SGCD: variants seen among roughly 807,000 people sequenced by gnomAD.
SGCD encodes the protein delta-sarcoglycan.
In SGCD, 18 loss-of-function variants were observed where a neutral mutation model predicts 36.6. That is an observed-to-expected ratio of 0.49 (90% CI 0.34 to 0.73). The LOEUF is 0.73. SGCD is among the 30% of genes least tolerant of loss of function. SGCD has a pLI of 0.01. For missense variants in SGCD, 387 were observed against 346.7 expected (o/e 1.12, Z -0.92); for synonymous variants, 133 against 130.6 (o/e 1.02, Z -0.12).
At chr5:156,212,549 T>G (rs1401086445) in intron 3 of SGCD, among the ~76,000 whole-genome samples, 1 of 152,112 alleles carries the variant, frequency 6.6e-6, no homozygotes, top group Non-Finnish European at 1.5e-5. Context: ...ACAACAACAG[T>G]AGAGGACTTC....
intron 3 of SGCD, among the ~76,000 whole-genome samples, chr5:156,283,231 G>T (rs548687416): frequency 1.5e-4 from 23 of 152,172 alleles, no homozygotes; most frequent in African/African-American, 5.1e-4. Context: ...GATTGGTATT[G>T]GTCCATAGAA....
At chr5:156,731,656 C>T (rs950019578) in intron 7 of SGCD, among the ~76,000 whole-genome samples, 4 of 149,906 alleles carry the variant, frequency 2.7e-5, no homozygotes, top group Non-Finnish European at 4.5e-5. Flanking sequence ...TTAGGCTATT[C>T]GGGCTCTTTT....
At chr5:156,042,439 A>T (rs1167445401) in intron 1 of SGCD, among the ~76,000 whole-genome samples, 2 of 152,190 alleles carry the variant, frequency 1.3e-5, no homozygotes, top group African/African-American at 2.4e-5. Flanking sequence ...CATTTTGCCC[A>T]CTGCCCAGAT....
At chr5:156,631,767 A>G (rs1339481510) in intron 6 of SGCD, among the ~76,000 whole-genome samples, 1 of 152,002 alleles carries the variant, frequency 6.6e-6, no homozygotes, top group Non-Finnish European at 1.5e-5. Flanking sequence ...GTGGATTTCC[A>G]TTTCCTATTA....
At chr5:155,749,394 A>G in the SGCD span, among the ~76,000 whole-genome samples, 2 of 152,218 alleles carry the variant, frequency 1.3e-5, no homozygotes, top group African/African-American at 2.4e-5. Context: ...CTATCAGATT[A>G]CTTCTCTGGC....
At chr5:155,988,539 G>A (rs965438403) in intron 1 of SGCD, among the ~76,000 whole-genome samples, 5 of 152,106 alleles carry the variant, frequency 3.3e-5, no homozygotes, top group Non-Finnish European at 5.9e-5. Context: ...AGTGCCAGCC[G>A]CAGTGTATGC....
Position 156,417,783 on chromosome 5 carries a change from T to C in SGCD, c.192+73106T>C, listed in dbSNP as rs77969600. 3.1e-3 allele frequency among the ~76,000 whole-genome samples: 475 copies of C among 152,144 alleles called. 3 individuals carry two copies. The highest frequency in any genetic ancestry group is 0.011 in the African/African-American group (447 of 41,544). On this transcript the variant is annotated intron_variant, in intron 3 of 8. Coordinates refer to ENST00000337851, the MANE Select transcript of SGCD (RefSeq NM_000337.6). ...CATAGAGGATTAGTGCTTCAACATA[T>C]GAAGTTGGGGGAGGACCCAATTCAG...
the SGCD span, among the ~76,000 whole-genome samples, chr5:155,729,946 G>A: frequency 6.6e-6 from 1 of 152,104 alleles, no homozygotes; most frequent in Non-Finnish European, 1.5e-5. Context: ...CAGCTCCTCC[G>A]GCTGGGCGGC....
chr5:155,888,926 A>T (rs1355873444), intron 1 of SGCD, among the ~76,000 whole-genome samples: 1 of 152,152 alleles, frequency 6.6e-6, no homozygotes, highest in African/African-American at 2.4e-5. Context: ...ATCTACCTTA[A>T]TTGGCCTCCA....
chr5:156,481,676 G>A (rs923615176), intron 3 of SGCD, among the ~76,000 whole-genome samples: 2 of 152,148 alleles, frequency 1.3e-5, no homozygotes, highest in Non-Finnish European at 2.9e-5. Flanking sequence ...TTTTAGGGAA[G>A]AAGAAGAAAT....
At chr5:155,909,505 A>G (rs1756588542) in intron 1 of SGCD, among the ~76,000 whole-genome samples, 1 of 152,144 alleles carries the variant, frequency 6.6e-6, no homozygotes, top group Non-Finnish European at 1.5e-5. Context: ...TGCTGGTCAA[A>G]TATCTGTCTG....
chr5:156,218,305 C>T (rs1207913107), intron 3 of SGCD, among the ~76,000 whole-genome samples: 1 of 151,224 alleles, frequency 6.6e-6, no homozygotes, highest in South Asian at 2.1e-4. Context: ...GTCTTTCAAA[C>T]AACATGAAAG....
chr5:156,473,486 T>A (rs1198829381), intron 3 of SGCD, among the ~76,000 whole-genome samples: 1 of 152,240 alleles, frequency 6.6e-6, no homozygotes, highest in African/African-American at 2.4e-5. Context: ...TTACAACATA[T>A]GAATTGTTTA....
At chr5:155,793,843 T>A in the SGCD span, among the ~76,000 whole-genome samples, 1 of 151,374 alleles carries the variant, frequency 6.6e-6, no homozygotes, top group African/African-American at 2.4e-5. Flanking sequence ...GCCACCGCGC[T>A]CATCCAAAAT....
intron 7 of SGCD, among the ~76,000 whole-genome samples, chr5:156,684,494 C>G (rs902555945): frequency 2.6e-5 from 4 of 152,174 alleles, no homozygotes; most frequent in Non-Finnish European, 5.9e-5. Flanking sequence ...TTTGAACAGT[C>G]CTCTGTTTGG....
chr5:156,610,194 A>G (rs572946574), intron 6 of SGCD, among the ~76,000 whole-genome samples: 1 of 152,056 alleles, frequency 6.6e-6, no homozygotes, highest in Admixed American at 6.5e-5. Flanking sequence ...TTGGTCTTTG[A>G]TGATGGTGAT....
the SGCD span, among the ~76,000 whole-genome samples, chr5:155,811,786 A>G: frequency 0.062 from 9,386 of 151,982 alleles, 692 homozygotes; most frequent in African/African-American, 0.18. Context: ...ACCAGCATTT[A>G]TTATTAAGTT....
chr5:155,751,360 C>T, the SGCD span, among the ~76,000 whole-genome samples: 1 of 152,168 alleles, frequency 6.6e-6, no homozygotes, highest in African/African-American at 2.4e-5. Context: ...TACTGTGGAA[C>T]TCTGAAATGA....
At chr5:156,627,855 T>A (rs1762491769) in intron 6 of SGCD, among the ~76,000 whole-genome samples, 1 of 152,178 alleles carries the variant, frequency 6.6e-6, no homozygotes, top group African/African-American at 2.4e-5. Context: ...CTTGGTAATG[T>A]TTATAATCAA....
Sources: allele counts gnomAD v4.1 joint callset (sites outside exome capture counted in the v4.1 genomes callset), GRCh38; gene constraint gnomAD v4.1.1; transcripts MANE v1.5; gene names NCBI Gene and HGNC (gene_info 2026-07-23, HGNC 2026-07-21).